The following LRBA variants were observed in gnomAD, a reference collection of about 807,000 sequenced individuals.
LRBA encodes the protein LPS responsive beige-like anchor protein.
LRBA carries 176 observed loss-of-function variants against 330.0 expected under a neutral mutation model. The ratio of observed to expected loss-of-function variants is 0.53; its 90% CI spans 0.47 to 0.60. LRBA has a LOEUF of 0.60. LRBA is among the 20% of genes least tolerant of loss of function. The pLI, the probability that LRBA is intolerant of heterozygous loss-of-function variation, is 0.00. For missense variants in LRBA, 3,259 were observed against 3,444.8 expected, an observed-to-expected ratio of 0.95 and a Z score of 1.35; for synonymous variants, 1,230 against 1,193.0, an observed-to-expected ratio of 1.03 and a Z score of -0.64.
At chr4:150,756,208 C>T (rs988087258) in intron 35 of LRBA, among the ~76,000 whole-genome samples, 2 of 152,100 alleles carry the variant, frequency 1.3e-5, no homozygotes, top group African/African-American at 4.8e-5. Context: ...CAAATCATTA[C>T]AAATTTCACA....
At chr4:150,413,269 A>G (rs1747272920) in intron 47 of LRBA, among the ~76,000 whole-genome samples, 1 of 152,126 alleles carries the variant, frequency 6.6e-6, no homozygotes, top group Non-Finnish European at 1.5e-5. Context: ...AAAATGGTAA[A>G]CATTTTTATT....
intron 25 of LRBA, 125 bp from the exon 26 acceptor site, chr4:150,849,123 G>T: frequency 1.5e-6 from 1 of 648,650 alleles, no homozygotes; most frequent in Non-Finnish European, 2.6e-6. Flanking sequence ...AACACAGAGT[G>T]ATTTATACTT....
intron 2 of LRBA, among the ~76,000 whole-genome samples, chr4:150,963,447 G>C (rs1262934496): frequency 6.7e-6 from 1 of 149,622 alleles, no homozygotes; most frequent in Admixed American, 6.6e-5. Flanking sequence ...TCGGCCTCCT[G>C]AGGTGCCGGG....
intron 47 of LRBA, among the ~76,000 whole-genome samples, chr4:150,376,202 C>T (rs1225493727): frequency 6.6e-6 from 1 of 151,992 alleles, no homozygotes; most frequent in South Asian, 2.1e-4. Flanking sequence ...TAAAGAAAGG[C>T]TAGAAATACA....
At chr4:150,854,040 A>T (rs977168462) in intron 22 of LRBA, among the ~76,000 whole-genome samples, 9 of 152,166 alleles carry the variant, frequency 5.9e-5, no homozygotes, top group Admixed American at 2.6e-4. Context: ...GAATCACAAG[A>T]GTATACACAC....
At position 150,703,855 on chromosome 4, in the gene LRBA, A is replaced by C. The variant is rs182112281; in HGVS notation, c.5755-20138T>G. Among the ~76,000 whole-genome samples, 956 of 140,956 alleles carry C rather than the reference A, an allele frequency of 6.8e-3. 9 individuals are homozygous for C. Among genetic ancestry groups the C allele is most frequent in the African/African-American group, 0.024 (891 of 37,316 alleles). 92.5% of individuals were successfully genotyped at this position (140,956 alleles called of 152,430 possible). ...AGATTCTCAAAGAGTCCATTAGCCC[A>C]AAAAAAAAAAAGAACTATTAACTCA... On this transcript the variant is annotated intron_variant, in intron 36 of 56. Coordinates refer to ENST00000651943, the MANE Select transcript of LRBA (RefSeq NM_001364905.1).
intron 33 of LRBA, 111 bp from the exon 34 acceptor site, chr4:150,798,253 C>A: frequency 1.6e-6 from 1 of 643,244 alleles, no homozygotes. Context: ...ATTAATAGTG[C>A]ACATTTAATC....
chr4:150,298,479 T>A (rs1401056727), intron 53 of LRBA, among the ~76,000 whole-genome samples: 1 of 152,070 alleles, frequency 6.6e-6, no homozygotes, highest in Admixed American at 6.6e-5. Context: ...TTTACGGTAA[T>A]GACTTAAGTG....
chr4:150,809,850 A>AATACGATATG (rs1743359403), intron 31 of LRBA, among the ~76,000 whole-genome samples: 1 of 87,714 alleles, frequency 1.1e-5, no homozygotes, highest in African/African-American at 4.4e-5. Flanking sequence ...CCTGTCTTAA[A>AATACGATATG]ATACGATACG....
chr4:150,854,478 T>C lies in LRBA; in HGVS notation c.2767-1535A>G, dbSNP rs115961938. On this transcript the variant is annotated intron_variant, in intron 22 of 56. Transcript: ENST00000651943. ...CATCGGTAGCAGGCCAGGCATTGTG[T>C]GATGAACACATTGTTCCTGACTTCA... Among the ~76,000 whole-genome samples the C allele has an allele frequency of 6.6e-3, 1,004 of 152,310 alleles. 5 individuals carry two copies. The highest frequency in any genetic ancestry group is 0.023 in the African/African-American group (941 of 41,566).
chr4:150,280,706 G>A (rs1747384057), intron 55 of LRBA, among the ~76,000 whole-genome samples: 1 of 152,186 alleles, frequency 6.6e-6, no homozygotes, highest in Non-Finnish European at 1.5e-5. Context: ...TTGTTTCCAT[G>A]GTGTCCATTC....
In LRBA at chr4:150,575,522, G is replaced by C. The variant is rs146104646; in HGVS notation, c.6330+12526C>G. On this transcript the variant is annotated intron_variant, in intron 40 of 56. Transcript: ENST00000651943. ...AAATAAAATGTTTAAAATGGCTAGT[G>C]CTCCTAAAGTATAACAAAAACCTAC... 9.0e-3 allele frequency among the ~76,000 whole-genome samples: 1,373 copies of C among 151,880 alleles called. 26 individuals carry two copies. Among genetic ancestry groups the C allele is most frequent in the African/African-American group, 0.031 (1,298 of 41,494 alleles).
intron 37 of LRBA, among the ~76,000 whole-genome samples, chr4:150,660,492 C>A (rs528170521): frequency 1.5e-4 from 22 of 143,930 alleles, no homozygotes; most frequent in African/African-American, 3.1e-4. Flanking sequence ...GGGGGTCAGC[C>A]CCCCCCGCCC....
chr4:150,325,799 T>C lies in LRBA; in HGVS notation c.7452+10A>G, dbSNP rs1051244075. On this transcript the variant is annotated intron_variant, in intron 49 of 56. Coordinates refer to ENST00000651943, the MANE Select transcript of LRBA (RefSeq NM_001364905.1). Reference sequence around the variant, plus strand: ...AGGCAAGAAATGAGGAGAGTAAAAATAGCACTTACCACTTGCATGGCAGAA... The same window carrying C: ...AGGCAAGAAATGAGGAGAGTAAAAACAGCACTTACCACTTGCATGGCAGAA... 8 of 1,585,894 alleles carry C rather than the reference T, an allele frequency of 5.0e-6. No homozygotes were observed. The highest frequency in any genetic ancestry group is 2.7e-5 in the African/African-American group (2 of 74,276).
At position 150,308,801 on chromosome 4, in the gene LRBA, T is replaced by C. The variant is rs550955835; in HGVS notation, c.7849+1428A>G. On this transcript the variant is annotated intron_variant, in intron 52 of 56. Coordinates refer to ENST00000651943, the MANE Select transcript of LRBA (RefSeq NM_001364905.1). The stretch of plus-strand genomic sequence containing the variant: ...ATATATAGAAAATATTTTTGTACAG[T>C]TGTACAATGTGTTTGTGTTTTAAGC... Among the ~76,000 whole-genome samples the C allele has an allele frequency of 5.9e-5, 9 of 152,324 alleles. No individual in the cohort carries two copies. In the South Asian group the frequency reaches 1.9e-3, roughly 32 times the overall value.
chr4:150,655,027 A>T (rs1281632937), intron 37 of LRBA, among the ~76,000 whole-genome samples: 1 of 152,180 alleles, frequency 6.6e-6, no homozygotes, highest in African/African-American at 2.4e-5. Context: ...TCTTTATAGC[A>T]GCATGATTTA....
intron 34 of LRBA, among the ~76,000 whole-genome samples, chr4:150,796,266 A>C (rs1740775609): frequency 6.6e-6 from 1 of 151,976 alleles, no homozygotes; most frequent in Admixed American, 6.6e-5. Context: ...TTAACAAAAT[A>C]AATCACTTTT....
chr4:150,636,614 C>A lies in LRBA; in HGVS notation c.5922-37483G>T, dbSNP rs146327634. Among the ~76,000 whole-genome samples the A allele has an allele frequency of 8.9e-3, 1,362 of 152,250 alleles. 24 individuals are homozygous for A. Among genetic ancestry groups the A allele is most frequent in the African/African-American group, 0.031 (1,290 of 41,536 alleles). On this transcript the variant is annotated intron_variant, in intron 37 of 56. Transcript: ENST00000651943. ...ACCAGGATGTCACTATTCCCAGGCC[C>A]CCTCAGTGGACAAAGCTAGGAAATA... is the stretch of plus-strand genomic sequence containing the variant.
intron 55 of LRBA, among the ~76,000 whole-genome samples, chr4:150,279,190 T>C (rs1253323775): frequency 2.6e-5 from 4 of 152,212 alleles, no homozygotes; most frequent in African/African-American, 7.2e-5. Context: ...CTTTCACAGG[T>C]AGTTGCAGCA....
Sources: gnomAD v4.1 joint callset for allele counts (sites outside exome capture counted in the v4.1 genomes callset) on GRCh38, gnomAD v4.1.1 for gene constraint, MANE v1.5 for transcripts, NCBI Gene and HGNC (gene_info 2026-07-23, HGNC 2026-07-21) for gene names.